PPP2R3A: variants seen among roughly 807,000 people sequenced by gnomAD.
The protein encoded by PPP2R3A is serine/threonine-protein phosphatase 2A regulatory subunit B'' subunit alpha.
A neutral mutation model predicts 106.9 loss-of-function variants in PPP2R3A; 80 were observed. The ratio of observed to expected loss-of-function variants is 0.75; its 90% CI spans 0.62 to 0.90. The LOEUF is 0.90. PPP2R3A is among the 40% of genes least tolerant of loss of function. The probability of loss-of-function intolerance (pLI) is 0.00; values close to 1 mark genes in which losing one functional copy is unlikely to be tolerated. For missense variants in PPP2R3A, 1,386 were observed against 1,350.4 expected (o/e 1.03, Z -0.41); for synonymous variants, 483 against 468.3 (o/e 1.03, Z -0.41).
chr3:136,067,302 C>A (rs958336789), intron 5 of PPP2R3A, among the ~76,000 whole-genome samples: 3 of 152,138 alleles, frequency 2.0e-5, no homozygotes, highest in African/African-American at 7.2e-5. Flanking sequence ...CTTCCACTTG[C>A]AACAAATGGA....
chr3:136,037,820 T>C (rs116276957), intron 3 of PPP2R3A, among the ~76,000 whole-genome samples: 1,654 of 152,242 alleles, frequency 0.011, 25 homozygotes, highest in African/African-American at 0.033. Flanking sequence ...GTTGATCAAG[T>C]TTTCTTTGCT....
At chr3:135,977,002 A>G (rs1937436861) in intron 1 of PPP2R3A, among the ~76,000 whole-genome samples, 1 of 152,082 alleles carries the variant, frequency 6.6e-6, no homozygotes, top group African/African-American at 2.4e-5. Flanking sequence ...CTTTGTTTCT[A>G]CACCATTAAT....
intron 6 of PPP2R3A, among the ~76,000 whole-genome samples, chr3:136,071,022 C>G (rs532230685): frequency 6.6e-6 from 1 of 152,224 alleles, no homozygotes; most frequent in Non-Finnish European, 1.5e-5. Context: ...TTGTGAGGAG[C>G]TCGCACTCCC....
intron 8 of PPP2R3A, among the ~76,000 whole-genome samples, chr3:136,085,419 C>T (rs1322230853): frequency 2.0e-5 from 3 of 152,110 alleles, no homozygotes; most frequent in Non-Finnish European, 2.9e-5. Context: ...ATAAATTACC[C>T]AGTCTCAGGT....
chr3:136,145,300 G>A lies in PPP2R3A; in HGVS notation c.*134G>A, dbSNP rs898424892. On this transcript the variant is annotated 3_prime_UTR_variant, in exon 14 of 14. Transcript: ENST00000264977. ...GTGTATCATCTGCACTAGGAACTTT[G>A]TTTTTAAGCAATAGGTCTGGATACA... The A allele has an allele frequency of 1.3e-4, 153 of 1,192,678 alleles. 1 individual carries two copies. Among genetic ancestry groups the A allele is most frequent in the Non-Finnish European group, 1.5e-4 (137 of 891,406 alleles). The allele number at this position is 1,192,678 out of a possible 1,614,324, so 73.9% of individuals were successfully genotyped here. A position where few individuals can be genotyped will look rare whatever the true frequency, so the allele number is the denominator to read the frequency against.
At chr3:136,106,659 C>T (rs1022480696) in intron 13 of PPP2R3A, 8 of 235,232 alleles carry the variant, frequency 3.4e-5, no homozygotes, top group African/African-American at 7.1e-5. Context: ...CGGTGGCTCA[C>T]GCCTGTAATC....
chr3:136,055,292 G>C, intron 5 of PPP2R3A: 1 of 882,200 alleles, frequency 1.1e-6, no homozygotes, highest in Non-Finnish European at 1.9e-6. Flanking sequence ...TGAGTCTGTT[G>C]TGTTGGTGAA....
intron 13 of PPP2R3A, among the ~76,000 whole-genome samples, chr3:136,128,530 A>T (rs1166335422): frequency 2.0e-5 from 3 of 152,212 alleles, no homozygotes; most frequent in African/African-American, 7.2e-5. Flanking sequence ...AAGTTCTCAG[A>T]GACCTACAAA....
intron 13 of PPP2R3A, among the ~76,000 whole-genome samples, chr3:136,130,883 A>C (rs1314554973): frequency 6.6e-6 from 1 of 152,206 alleles, no homozygotes; most frequent in Non-Finnish European, 1.5e-5. Context: ...TCTTTGACAA[A>C]CCTGACAAAA....
intron 2 of PPP2R3A, among the ~76,000 whole-genome samples, chr3:136,017,316 A>G (rs1934312941): frequency 6.6e-6 from 1 of 152,158 alleles, no homozygotes; most frequent in African/African-American, 2.4e-5. Context: ...TTTGCAATGA[A>G]TTTCTCAGGT....
chr3:136,058,520 A>G (rs1438926421), intron 5 of PPP2R3A, among the ~76,000 whole-genome samples: 1 of 152,230 alleles, frequency 6.6e-6, no homozygotes, highest in Non-Finnish European at 1.5e-5. Context: ...GAGATGACAC[A>G]GACAAATGGA....
At chr3:135,996,078 A>C (rs114616822) in intron 1 of PPP2R3A, among the ~76,000 whole-genome samples, 1 of 152,210 alleles carries the variant, frequency 6.6e-6, no homozygotes, top group Admixed American at 6.5e-5. Context: ...AATGACAACC[A>C]TGTCACAGTT....
intron 2 of PPP2R3A, among the ~76,000 whole-genome samples, chr3:136,003,991 A>G (rs1233825582): frequency 2.0e-5 from 3 of 152,212 alleles, no homozygotes; most frequent in Non-Finnish European, 4.4e-5. Flanking sequence ...TAAGAGCTTA[A>G]AATCCACTTG....
At chr3:136,091,069 T>C (rs1385797664) in intron 10 of PPP2R3A, among the ~76,000 whole-genome samples, 1 of 152,232 alleles carries the variant, frequency 6.6e-6, no homozygotes, top group Non-Finnish European at 1.5e-5. Context: ...AGTCTGCCAG[T>C]TGAAATCATC....
chr3:136,004,757 G>A (rs1933784359), intron 2 of PPP2R3A, among the ~76,000 whole-genome samples: 1 of 152,154 alleles, frequency 6.6e-6, no homozygotes, highest in African/African-American at 2.4e-5. Context: ...ATGCAACTGA[G>A]GAAGGGCGTA....
chr3:135,968,832 A>G (rs1038426840), intron 1 of PPP2R3A, among the ~76,000 whole-genome samples: 2 of 151,748 alleles, frequency 1.3e-5, no homozygotes, highest in Non-Finnish European at 2.9e-5. Context: ...CATACTGTAC[A>G]CTCTGTTTTC....
intron 3 of PPP2R3A, among the ~76,000 whole-genome samples, chr3:136,032,154 G>A (rs1036532992): frequency 6.6e-6 from 1 of 152,160 alleles, no homozygotes. Flanking sequence ...ATGAGCATGG[G>A]ATGTGTTTCC....
In PPP2R3A at chr3:136,079,389, C is replaced by A. The variant is rs1432780690; in HGVS notation, c.2631+936C>A. 3 of 180,558 alleles carry A rather than the reference C, an allele frequency of 1.7e-5. No individual in the cohort carries two copies. The East Asian group carries it at 4.5e-4, about 27-fold the overall frequency. The allele number at this position is 180,558 out of a possible 1,614,324, so 11.2% of individuals were successfully genotyped here. A position where few individuals can be genotyped will look rare whatever the true frequency, so the allele number is the denominator to read the frequency against. On this transcript the variant is annotated intron_variant, in intron 7 of 13. Transcript: ENST00000264977. ...ACATTATAGGTTGTAGTTTCTGAAT[C>A]ATTTTTATAATCCATAATTTTTTTT...
intron 2 of PPP2R3A, among the ~76,000 whole-genome samples, chr3:136,004,703 A>G (rs1458291909): frequency 6.6e-6 from 1 of 152,214 alleles, no homozygotes; most frequent in Non-Finnish European, 1.5e-5. Context: ...AAATACATGG[A>G]TACACAAAAT....
Sources: gnomAD v4.1 joint callset for allele counts (sites outside exome capture counted in the v4.1 genomes callset) on GRCh38, gnomAD v4.1.1 for gene constraint, MANE v1.5 for transcripts, NCBI Gene and HGNC (gene_info 2026-07-23, HGNC 2026-07-21) for gene names.